TMEFF1: variants seen among roughly 807,000 people sequenced by gnomAD.
TMEFF1 encodes the protein transmembrane protein with EGF like and two follistatin like domains 1, also known as tomoregulin-1.
Under a neutral mutation model 47.5 loss-of-function variants are expected in TMEFF1, and 20 were observed. The observed-to-expected ratio is 0.42, with a 90% CI of 0.30 to 0.61. The LOEUF is 0.61. Among genes scored for constraint, TMEFF1 ranks in the 20% least tolerant of loss-of-function variants. The pLI is 0.19. For missense variants in TMEFF1, 411 were observed against 471.1 expected, an observed-to-expected ratio of 0.87 and a Z score of 1.18; for synonymous variants, 162 against 166.3, an observed-to-expected ratio of 0.97 and a Z score of 0.20.
At chr9:100,544,380 C>T (rs931431410) in intron 5 of TMEFF1, among the ~76,000 whole-genome samples, 12 of 152,126 alleles carry the variant, frequency 7.9e-5, no homozygotes, top group South Asian at 2.1e-4. Flanking sequence ...ACATGGATGG[C>T]GGCAGGCAAA....
intron 6 of TMEFF1, 113 bp downstream of exon 6, chr9:100,548,005 TA>T (rs1181106792): frequency 1.8e-5 from 21 of 1,192,958 alleles, no homozygotes; most frequent in South Asian, 3.4e-5. Flanking sequence ...CTCGAAGCTT[TA>T]TTTTTTTATT....
intron 7 of TMEFF1, among the ~76,000 whole-genome samples, chr9:100,558,078 A>G (rs970419220): frequency 1.4e-4 from 21 of 152,216 alleles, no homozygotes; most frequent in Middle Eastern, 3.4e-3. Context: ...TTGGTGCCAT[A>G]CTTTTCTTAT....
intron 1 of TMEFF1, among the ~76,000 whole-genome samples, chr9:100,494,535 G>C (rs1190135751): frequency 6.6e-6 from 1 of 152,120 alleles, no homozygotes; most frequent in Non-Finnish European, 1.5e-5. Context: ...TTACTGTCTT[G>C]CTCCTGGTCT....
At chr9:100,534,044 T>C (rs1838457292) in intron 5 of TMEFF1, among the ~76,000 whole-genome samples, 1 of 152,104 alleles carries the variant, frequency 6.6e-6, no homozygotes, top group African/African-American at 2.4e-5. Flanking sequence ...GCAAAAACTT[T>C]GAGGTGAGGG....
At chr9:100,535,635 A>G (rs886471736) in intron 5 of TMEFF1, among the ~76,000 whole-genome samples, 4 of 152,196 alleles carry the variant, frequency 2.6e-5, no homozygotes, top group South Asian at 2.1e-4. Flanking sequence ...GCCAGGCATG[A>G]TGGCATGTGC....
intron 5 of TMEFF1, among the ~76,000 whole-genome samples, chr9:100,533,832 C>T (rs1448879003): frequency 1.3e-5 from 2 of 152,142 alleles, no homozygotes; most frequent in Admixed American, 1.3e-4. Context: ...GATTCTCCTG[C>T]CTCAGCCTCC....
At chr9:100,529,998 G>A (rs1368048051) in intron 5 of TMEFF1, among the ~76,000 whole-genome samples, 2 of 151,866 alleles carry the variant, frequency 1.3e-5, no homozygotes, top group Non-Finnish European at 2.9e-5. Flanking sequence ...TGACTACTGG[G>A]TACATAACGA....
chr9:100,544,589 C>T (rs1162519638), intron 5 of TMEFF1, among the ~76,000 whole-genome samples: 1 of 152,190 alleles, frequency 6.6e-6, no homozygotes, highest in Non-Finnish European at 1.5e-5. Context: ...CAAACCATAT[C>T]ATTCCCCTGC....
intron 8 of TMEFF1, among the ~76,000 whole-genome samples, chr9:100,569,424 A>T (rs916634107): frequency 4.6e-5 from 7 of 152,054 alleles, no homozygotes; most frequent in Non-Finnish European, 1.0e-4. Flanking sequence ...TTATTTATAT[A>T]TTCTAGATAT....
intron 1 of TMEFF1, among the ~76,000 whole-genome samples, chr9:100,491,465 A>G (rs1378333597): frequency 6.6e-6 from 1 of 152,236 alleles, no homozygotes; most frequent in Non-Finnish European, 1.5e-5. Flanking sequence ...GATGAATTAA[A>G]GTTTTCCACA....
At chr9:100,494,813 T>C (rs1837621952) in intron 1 of TMEFF1, among the ~76,000 whole-genome samples, 1 of 152,214 alleles carries the variant, frequency 6.6e-6, no homozygotes, top group African/African-American at 2.4e-5. Flanking sequence ...AAAATGTCCA[T>C]TCATGAGCTT....
chr9:100,479,586 A>G (rs896117731), intron 1 of TMEFF1, among the ~76,000 whole-genome samples: 5 of 152,204 alleles, frequency 3.3e-5, no homozygotes, highest in Middle Eastern at 3.4e-3. Flanking sequence ...GGATTTGCCT[A>G]TTCTAGATAT....
intron 7 of TMEFF1, among the ~76,000 whole-genome samples, 193 bp downstream of exon 7, chr9:100,550,353 A>C (rs1182128754): frequency 6.6e-6 from 1 of 152,204 alleles, no homozygotes; most frequent in Non-Finnish European, 1.5e-5. Flanking sequence ...AGGTACTCTC[A>C]TATGTGCTTT....
At chr9:100,527,932 A>C (rs1838297898) in intron 5 of TMEFF1, among the ~76,000 whole-genome samples, 1 of 152,288 alleles carries the variant, frequency 6.6e-6, no homozygotes, top group South Asian at 2.1e-4. Context: ...GCTCCCTGAC[A>C]CCTGACCCCC....
rs1177225082 is a variant in TMEFF1 at position 100,523,563 on chromosome 9, A to T, written c.560+6792A>T. 2.6e-5 allele frequency among the ~76,000 whole-genome samples: 4 copies of T among 152,160 alleles called. 1 individual carries two copies. Among genetic ancestry groups the T allele is most frequent in the Non-Finnish European group, 5.9e-5 (4 of 68,034 alleles). ...AGCTGCTTACAGGGTGGTTGTAAGG[A>T]TTTAATATGTGTGAAAAAGACTAGC... On this transcript the variant is annotated intron_variant, in intron 5 of 9. Transcript: ENST00000374879.
chr9:100,555,073 T>G (rs62577585), intron 7 of TMEFF1, among the ~76,000 whole-genome samples: 12,882 of 152,158 alleles, frequency 0.085, 744 homozygotes, highest in Non-Finnish European at 0.12. Context: ...TTGAAAACAC[T>G]GCAGCTGGTG....
intron 5 of TMEFF1, among the ~76,000 whole-genome samples, chr9:100,540,900 A>G (rs1453598392): frequency 6.6e-6 from 1 of 151,860 alleles, no homozygotes; most frequent in African/African-American, 2.4e-5. Flanking sequence ...CCCCTTTCCC[A>G]TTGATCACAT....
At chr9:100,542,401 A>G (rs1010586251) in intron 5 of TMEFF1, among the ~76,000 whole-genome samples, 2 of 152,126 alleles carry the variant, frequency 1.3e-5, no homozygotes, top group African/African-American at 4.8e-5. Context: ...TGCATCTCAG[A>G]CTTTCCTTAA....
intron 2 of TMEFF1, among the ~76,000 whole-genome samples, chr9:100,505,426 A>C (rs1437358853): frequency 2.1e-4 from 31 of 149,982 alleles, no homozygotes; most frequent in African/African-American, 6.1e-4. Context: ...AAAAAAAAAA[A>C]AAAAAAAAAA....
Sources: gnomAD v4.1 joint callset for allele counts (sites outside exome capture counted in the v4.1 genomes callset) on GRCh38, gnomAD v4.1.1 for gene constraint, MANE v1.5 for transcripts, NCBI Gene and HGNC (gene_info 2026-07-23, HGNC 2026-07-21) for gene names.